Variants in KAT6B observed in about 807,000 individuals in gnomAD.
KAT6B encodes the protein lysine acetyltransferase 6B.
Under a neutral mutation model 187.5 loss-of-function variants are expected in KAT6B, and 10 were observed. That is an observed-to-expected ratio of 0.05 (90% CI 0.03 to 0.09). The LOEUF (loss-of-function observed/expected upper bound fraction) is 0.09, where lower values mean the gene tolerates loss of function less well. Ranked by LOEUF, KAT6B falls within the 10% of genes least tolerant of loss-of-function variation. KAT6B has a pLI of 1.00. For synonymous variants in KAT6B, 861 were observed against 926.8 expected (o/e 0.93, Z 1.29); for missense variants, 1,952 against 2,558.9 (o/e 0.76, Z 5.12).
rs964854462 is a variant in KAT6B at position 74,898,308 on chromosome 10, G to A, written c.621+54830G>A. 3.9e-5 allele frequency among the ~76,000 whole-genome samples: 6 copies of A among 152,296 alleles called. No individual in the cohort carries two copies. In the South Asian group the frequency reaches 1.2e-3, roughly 32 times the overall value. ...CTACCTGTGCTATGACTTTGCACAA[G>A]TTAGGAGTAGCCTTTTTGAGCTTTG... On this transcript the variant is annotated intron_variant, in intron 3 of 17. Transcript: ENST00000287239.
chr10:74,853,752 C>T (rs535878753), intron 3 of KAT6B, among the ~76,000 whole-genome samples: 11 of 151,586 alleles, frequency 7.3e-5, no homozygotes, highest in African/African-American at 1.2e-4. Context: ...CTTGGCCTCC[C>T]GAGTAGCTGG....
At chr10:75,010,387 C>G (rs1237688451) in intron 13 of KAT6B, among the ~76,000 whole-genome samples, 1 of 152,138 alleles carries the variant, frequency 6.6e-6, no homozygotes, top group Non-Finnish European at 1.5e-5. Flanking sequence ...CTGACAGATT[C>G]CTTTTTGAAA....
intron 12 of KAT6B, among the ~76,000 whole-genome samples, chr10:74,986,593 G>A (rs1469926632): frequency 2.0e-5 from 3 of 152,148 alleles, no homozygotes; most frequent in Non-Finnish European, 4.4e-5. Flanking sequence ...CTGTCTCAGT[G>A]TTTTAATCCA....
intron 3 of KAT6B, among the ~76,000 whole-genome samples, chr10:74,862,764 C>G (rs1161578284): frequency 6.6e-6 from 1 of 152,124 alleles, no homozygotes; most frequent in East Asian, 1.9e-4. Flanking sequence ...GATAATATAG[C>G]ACTGACCACA....
At chr10:74,838,658 A>G (rs1223605202) in intron 1 of KAT6B, 25 bp from the exon 2 acceptor site, 1 of 152,200 alleles carries the variant, frequency 6.6e-6, no homozygotes, top group East Asian at 1.9e-4. Context: ...TGTCCAAATG[A>G]ACATTTCCTT....
intron 13 of KAT6B, among the ~76,000 whole-genome samples, chr10:74,991,335 G>C (rs1311500246): frequency 1.3e-5 from 2 of 152,114 alleles, no homozygotes; most frequent in Admixed American, 1.3e-4. Flanking sequence ...AAATTAAAAA[G>C]GAACTGGTAC....
At chr10:74,994,696 G>C (rs1843318378) in intron 13 of KAT6B, among the ~76,000 whole-genome samples, 1 of 151,782 alleles carries the variant, frequency 6.6e-6, no homozygotes, top group Non-Finnish European at 1.5e-5. Context: ...CTGAGGCAGA[G>C]AATTGCTTGA....
chr10:74,894,192 C>T (rs1845833022), intron 3 of KAT6B, among the ~76,000 whole-genome samples: 1 of 152,142 alleles, frequency 6.6e-6, no homozygotes, highest in Non-Finnish European at 1.5e-5. Context: ...AGCCATTCTC[C>T]TGCCTCAGCC....
chr10:74,867,197 T>C (rs1311858696), intron 3 of KAT6B, among the ~76,000 whole-genome samples: 1 of 152,234 alleles, frequency 6.6e-6, no homozygotes, highest in Non-Finnish European at 1.5e-5. Flanking sequence ...TTTTATGATA[T>C]GCAGTGTTGC....
At chr10:74,985,022 A>T (rs1030918794) in intron 11 of KAT6B, 58 bp from the exon 12 acceptor site, 4 of 1,475,928 alleles carry the variant, frequency 2.7e-6, no homozygotes. Context: ...TAGAAGAAAC[A>T]ATTTTATATG....
chr10:74,945,640 G>A (rs1344134640), intron 3 of KAT6B, among the ~76,000 whole-genome samples: 1 of 151,982 alleles, frequency 6.6e-6, no homozygotes. Context: ...AATAGAGACG[G>A]GGTCTCACCA....
intron 3 of KAT6B, among the ~76,000 whole-genome samples, chr10:74,891,002 C>A (rs1474172655): frequency 6.6e-6 from 1 of 152,108 alleles, no homozygotes. Flanking sequence ...AGTATGTATT[C>A]CCATTCAATA....
chr10:74,827,667 G>C (rs1840371198), intron 1 of KAT6B, among the ~76,000 whole-genome samples: 1 of 152,086 alleles, frequency 6.6e-6, no homozygotes, highest in Non-Finnish European at 1.5e-5. Context: ...CTGGGGACAA[G>C]GGATTGGTAG....
chr10:74,917,641 A>G (rs11001199), intron 3 of KAT6B, among the ~76,000 whole-genome samples: 1 of 152,238 alleles, frequency 6.6e-6, no homozygotes. Flanking sequence ...AAAACAATGT[A>G]GTGCCTTTAA....
chr10:74,904,260 C>T (rs1427249770), intron 3 of KAT6B, among the ~76,000 whole-genome samples: 1 of 152,150 alleles, frequency 6.6e-6, no homozygotes, highest in Non-Finnish European at 1.5e-5. Context: ...TCTATGAGTC[C>T]AGGCACAGGT....
At chr10:74,833,129 T>G (rs1264342102) in intron 1 of KAT6B, among the ~76,000 whole-genome samples, 1 of 122,840 alleles carries the variant, frequency 8.1e-6, no homozygotes, top group Non-Finnish European at 1.6e-5. Flanking sequence ...GGCAAGACTC[T>G]GTCTCAAAAA....
chr10:74,912,364 A>AATGG (rs776005931), intron 3 of KAT6B, among the ~76,000 whole-genome samples: 149 of 111,194 alleles, frequency 1.3e-3, no homozygotes, highest in African/African-American at 4.6e-3. Flanking sequence ...GGATAGATTA[A>AATGG]ATGGATGGAT....
In KAT6B at chr10:74,990,237, G is replaced by A. The variant is rs116788671; in HGVS notation, c.2629+1125G>A. Among the ~76,000 whole-genome samples the A allele has an allele frequency of 6.2e-3, 862 of 139,690 alleles. 5 individuals are homozygous for A. Among genetic ancestry groups the A allele is most frequent in the African/African-American group, 0.021 (798 of 38,804 alleles). 91.6% of individuals were successfully genotyped at this position (139,690 alleles called of 152,430 possible). On this transcript the variant is annotated intron_variant, in intron 13 of 17. Transcript: ENST00000287239. The stretch of plus-strand genomic sequence containing the variant: ...AAAAAAAAAAAAAAAAAAGTCTGTC[G>A]CTAGGAACCAGGTGCTTCTTGATTA...
intron 3 of KAT6B, among the ~76,000 whole-genome samples, chr10:74,940,491 GTCTTGAAC>G (rs1380117941): frequency 6.6e-6 from 1 of 151,160 alleles, no homozygotes; most frequent in African/African-American, 2.4e-5. Flanking sequence ...GGTCCGCCTG[GTCTTGAAC>G]TCTTGACCTC....
Sources: gnomAD v4.1 joint callset for allele counts (sites outside exome capture counted in the v4.1 genomes callset) on GRCh38, gnomAD v4.1.1 for gene constraint, MANE v1.5 for transcripts, NCBI Gene and HGNC (gene_info 2026-07-23, HGNC 2026-07-21) for gene names.